Variants in ZNF469 observed in about 807,000 individuals in gnomAD.
The protein encoded by ZNF469 is zinc finger protein 469.
Under a neutral mutation model 1.0 loss-of-function variants are expected in ZNF469, and 1 was observed. The observed-to-expected ratio is 1.00, with a 90% CI of 0.35 to 4.73. The LOEUF (loss-of-function observed/expected upper bound fraction) is 4.73, where lower values mean the gene tolerates loss of function less well. ZNF469 is among the 30% of genes most tolerant of loss of function. The pLI, the probability that ZNF469 is intolerant of heterozygous loss-of-function variation, is 0.16. For missense variants in ZNF469, 6,100 were observed against 5,356.3 expected (o/e 1.14, Z -4.33); for synonymous variants, 2,703 against 2,363.4 (o/e 1.14, Z -4.17).
chr16:88,422,165 T>A (rs555375743), intron 1 of ZNF469, among the ~76,000 whole-genome samples: 4 of 142,288 alleles, frequency 2.8e-5, no homozygotes, highest in Non-Finnish European at 6.1e-5. Context: ...GATGGGCAGG[T>A]GGATGGGCAG....
chr16:88,437,074 G>T lies in ZNF469; in HGVS notation c.9604G>T (p.Ala3202Ser). 6.5e-7 allele frequency: 1 copy of T among 1,541,808 alleles called. No individual in the cohort carries two copies. The highest frequency in any genetic ancestry group is 1.2e-5 in the South Asian group (1 of 83,840). The change falls in exon 3 of 3, where the codon GCC (alanine) becomes TCC (serine). Residue 3202 changes from alanine to serine, a missense_variant. By Grantham distance (99) the Ala-to-Ser change is moderately conservative (BLOSUM62 1). Transcript: ENST00000565624. ...CCTGCGTGAGCACGCGGTCCGCTTC[G>T]CCCGCAGGGGGCAGGCGCGGAGGTC... ...EHLREHAVRF[A>S]RRGQARRSLG...
the ZNF469 span, among the ~76,000 whole-genome samples, chr16:88,257,295 C>A: frequency 6.6e-6 from 1 of 151,950 alleles, no homozygotes; most frequent in Non-Finnish European, 1.5e-5. Context: ...TATTTGCCAT[C>A]TGTGTATCTT....
chr16:88,163,026 T>C, the ZNF469 span, among the ~76,000 whole-genome samples: 2 of 151,790 alleles, frequency 1.3e-5, no homozygotes, highest in Admixed American at 1.3e-4. Flanking sequence ...TGTGGATTGA[T>C]GGGTGGCTGG....
the ZNF469 span, among the ~76,000 whole-genome samples, chr16:88,109,229 T>A: frequency 6.6e-6 from 1 of 152,160 alleles, no homozygotes; most frequent in Non-Finnish European, 1.5e-5. Context: ...TCTCTCTTCT[T>A]TGTGGGTGAG....
At position 88,429,967 on chromosome 16, in the gene ZNF469, G is replaced by T; in HGVS notation, c.2497G>T (p.Asp833Tyr). The T allele has an allele frequency of 6.5e-7, 1 of 1,550,326 alleles. No individual in the cohort carries two copies. Among genetic ancestry groups the T allele is most frequent in the Non-Finnish European group, 8.7e-7 (1 of 1,146,958 alleles). Residue 833 changes from aspartate (D) to tyrosine (Y), a missense_variant, in exon 3 of 3, where the codon GAC becomes TAC. Asp to Tyr is a radical substitution (Grantham distance 160, BLOSUM62 -3). Coordinates refer to ENST00000565624, the MANE Select transcript of ZNF469 (RefSeq NM_001367624.2). ...CTTCCCGCTCCCTGCCTCGGACCTGGACATGGAGGATGACGCCAAGCTGGA... is the reference window on the plus strand; with the variant it reads ...CTTCCCGCTCCCTGCCTCGGACCTGTACATGGAGGATGACGCCAAGCTGGA... ...TPFPLPASDLDMEDDAKLDSL... is the reference protein window; with the variant it reads ...TPFPLPASDLYMEDDAKLDSL...
At chr16:88,192,757 A>ATGATGGTGT in the ZNF469 span, among the ~76,000 whole-genome samples, 2 of 152,012 alleles carry the variant, frequency 1.3e-5, no homozygotes, top group Non-Finnish European at 2.9e-5. Flanking sequence ...GACAGTGGTG[A>ATGATGGTGT]TGATCATGAT....
At position 88,428,764 on chromosome 16, in the gene ZNF469, C is replaced by G; in HGVS notation, c.1294C>G (p.Pro432Ala). Residue 432 changes from proline (P) to alanine (A), a missense_variant, in exon 3 of 3, where the codon CCC (proline) becomes GCC (alanine). Physicochemically the swap from Pro to Ala is conservative, Grantham distance 27. Transcript: ENST00000565624. Reference sequence around the variant, plus strand: ...GGACACCGAGCTGGCCGCCCCAGGGCCCCCACCCGCCAGGCTGCCCCAGCT... The same window carrying G: ...GGACACCGAGCTGGCCGCCCCAGGGGCCCCACCCGCCAGGCTGCCCCAGCT... ...PPDTELAAPG[P>A]PPARLPQLWD... 1 of 1,545,432 alleles carries G rather than the reference C, an allele frequency of 6.5e-7. No homozygotes were observed. The highest frequency in any genetic ancestry group is 2.0e-5 in the Admixed American group (1 of 50,932).
At chr16:88,144,443 C>T in the ZNF469 span, among the ~76,000 whole-genome samples, 1 of 152,352 alleles carries the variant, frequency 6.6e-6, no homozygotes, top group East Asian at 1.9e-4. Context: ...TGCCTCTGCC[C>T]TGGTGGAGAG....
At chr16:88,295,022 G>A in the ZNF469 span, among the ~76,000 whole-genome samples, 1 of 149,418 alleles carries the variant, frequency 6.7e-6, no homozygotes. Flanking sequence ...CTCAGGGTCT[G>A]GGGAGTATGT....
At chr16:88,323,813 C>T in the ZNF469 span, among the ~76,000 whole-genome samples, 3 of 152,234 alleles carry the variant, frequency 2.0e-5, no homozygotes, top group African/African-American at 7.2e-5. Flanking sequence ...TGCAGTCTCC[C>T]ACTCCGTGCC....
chr16:88,113,281 C>T, the ZNF469 span, among the ~76,000 whole-genome samples: 11 of 152,260 alleles, frequency 7.2e-5, no homozygotes, highest in South Asian at 2.1e-4. Flanking sequence ...TTGTATGTGG[C>T]GAGAGCTAGG....
the ZNF469 span, among the ~76,000 whole-genome samples, chr16:88,283,753 T>C: frequency 1.3e-5 from 2 of 152,192 alleles, no homozygotes; most frequent in Non-Finnish European, 2.9e-5. Context: ...CGGAGGCTGG[T>C]AGACCCCGAG....
chr16:88,430,213 G>C lies in ZNF469; in HGVS notation c.2743G>C (p.Asp915His). 6.5e-7 allele frequency: 1 copy of C among 1,543,268 alleles called. No individual in the cohort carries two copies. Among genetic ancestry groups the C allele is most frequent in the Non-Finnish European group, 8.7e-7 (1 of 1,143,394 alleles). The change falls in exon 3 of 3, where the codon GAC (aspartate) becomes CAC (histidine). Residue 915 changes from aspartate to histidine, a missense_variant. By Grantham distance (81) the Asp-to-His change is moderately conservative (BLOSUM62 -1). Transcript: ENST00000565624. ...TPDPQTPRPG[D>H]RGCPARGRPK... ...GGACCCCCAAACCCCCCGCCCTGGG[G>C]ACAGGGGCTGCCCAGCCCGAGGCAG...
At chr16:88,216,179 A>G in the ZNF469 span, among the ~76,000 whole-genome samples, 2 of 152,124 alleles carry the variant, frequency 1.3e-5, no homozygotes, top group Non-Finnish European at 2.9e-5. Flanking sequence ...AGGTTGGCAG[A>G]TACCATCTTT....
At chr16:88,132,285 G>A in the ZNF469 span, among the ~76,000 whole-genome samples, 2 of 152,236 alleles carry the variant, frequency 1.3e-5, no homozygotes, top group South Asian at 2.1e-4. Flanking sequence ...CGGTGCTCGG[G>A]GACGGACGCT....
At chr16:88,113,430 C>T in the ZNF469 span, among the ~76,000 whole-genome samples, 1 of 152,242 alleles carries the variant, frequency 6.6e-6, no homozygotes, top group Admixed American at 6.5e-5. Context: ...TAATGGGCGG[C>T]TCTTCCAGCT....
At chr16:88,316,545 C>T in the ZNF469 span, among the ~76,000 whole-genome samples, 28 of 100,980 alleles carry the variant, frequency 2.8e-4, no homozygotes, top group South Asian at 1.5e-3. Context: ...TAGGTGCTGT[C>T]TTTTTTTTTT....
intron 1 of ZNF469, among the ~76,000 whole-genome samples, chr16:88,422,236 A>G (rs1905487234): frequency 7.6e-6 from 1 of 132,358 alleles, no homozygotes; most frequent in African/African-American, 2.9e-5. Flanking sequence ...AGATGGGTGG[A>G]TGAATGGTAG....
At chr16:88,423,696 C>A (rs573475887) in intron 1 of ZNF469, among the ~76,000 whole-genome samples, 1 of 152,206 alleles carries the variant, frequency 6.6e-6, no homozygotes, top group Non-Finnish European at 1.5e-5. Flanking sequence ...GAAGCCACTT[C>A]CAAGATGGCT....
Sources: allele counts gnomAD v4.1 joint callset (sites outside exome capture counted in the v4.1 genomes callset), GRCh38; gene constraint gnomAD v4.1.1; transcripts MANE v1.5; gene names NCBI Gene and HGNC (gene_info 2026-07-23, HGNC 2026-07-21).